Variants in WWOX observed in about 807,000 individuals in gnomAD.
The protein encoded by WWOX is WW domain containing oxidoreductase.
A neutral mutation model predicts 46.2 loss-of-function variants in WWOX; 69 were observed. The ratio of observed to expected loss-of-function variants is 1.49; its 90% CI spans 1.23 to 1.82. The LOEUF (loss-of-function observed/expected upper bound fraction) is 1.82. WWOX is among the 40% of genes most tolerant of loss of function. The pLI is 0.00. For synonymous variants in WWOX, 359 were observed against 202.6 expected (o/e 1.77, Z -6.56); for missense variants, 919 against 542.6 (o/e 1.69, Z -6.89).
chr16:78,923,825 A>C (rs1597156480), intron 8 of WWOX, among the ~76,000 whole-genome samples: 1 of 90,030 alleles, frequency 1.1e-5, no homozygotes. Context: ...TTTCAGACGG[A>C]GTCTTGCTCT....
chr16:78,359,009 G>T (rs1298388615), intron 5 of WWOX, among the ~76,000 whole-genome samples: 1 of 151,732 alleles, frequency 6.6e-6, no homozygotes, highest in East Asian at 1.9e-4. Context: ...CACAGATTCT[G>T]TTTTCCATTT....
intron 8 of WWOX, among the ~76,000 whole-genome samples, chr16:78,505,157 T>G (rs571461407): frequency 1.3e-5 from 2 of 152,296 alleles, no homozygotes; most frequent in Non-Finnish European, 2.9e-5. Flanking sequence ...AATCTAAAGA[T>G]CTTTTAAATA....
chr16:78,191,462 C>T (rs79931732), intron 5 of WWOX, among the ~76,000 whole-genome samples: 5,331 of 152,182 alleles, frequency 0.035, 168 homozygotes, highest in East Asian at 0.17. Context: ...AAAAATATGC[C>T]GCCACAATAT....
intron 4 of WWOX, among the ~76,000 whole-genome samples, chr16:78,144,473 A>ATATATATATACG (rs1567596414): frequency 1.1e-4 from 4 of 37,594 alleles, no homozygotes; most frequent in African/African-American, 5.5e-4. Flanking sequence ...ACACACATAT[A>ATATATATATACG]TATATATATA....
At chr16:79,174,641 T>G (rs191069131) in intron 8 of WWOX, among the ~76,000 whole-genome samples, 170 of 152,226 alleles carry the variant, frequency 1.1e-3, no homozygotes, top group African/African-American at 3.9e-3. Flanking sequence ...AGAGTGAAAC[T>G]CCATCTCAAA....
chr16:79,119,354 T>C (rs2049581408), intron 8 of WWOX, among the ~76,000 whole-genome samples: 1 of 152,180 alleles, frequency 6.6e-6, no homozygotes, highest in Non-Finnish European at 1.5e-5. Context: ...AGAGGTTTCG[T>C]TATATTAATG....
intron 8 of WWOX, among the ~76,000 whole-genome samples, chr16:78,895,000 C>G (rs2044670774): frequency 6.6e-6 from 1 of 152,138 alleles, no homozygotes; most frequent in Non-Finnish European, 1.5e-5. Context: ...GCTGGAGATC[C>G]CATCATGCCG....
At chr16:78,295,546 T>C (rs2079931189) in intron 5 of WWOX, among the ~76,000 whole-genome samples, 1 of 152,106 alleles carries the variant, frequency 6.6e-6, no homozygotes, top group African/African-American at 2.4e-5. Flanking sequence ...ACCCTGTCTC[T>C]ACTAAAATAC....
chr16:78,374,030 G>C (rs900093508), intron 5 of WWOX, among the ~76,000 whole-genome samples: 2 of 152,220 alleles, frequency 1.3e-5, no homozygotes, highest in African/African-American at 2.4e-5. Flanking sequence ...CAAGTGGTCT[G>C]CCCGCCTTGG....
At chr16:78,195,511 G>T (rs2036020150) in intron 5 of WWOX, among the ~76,000 whole-genome samples, 1 of 151,840 alleles carries the variant, frequency 6.6e-6, no homozygotes, top group Middle Eastern at 3.2e-3. Context: ...GATGCAGGCT[G>T]GACACATTAG....
intron 8 of WWOX, among the ~76,000 whole-genome samples, chr16:78,766,067 A>C (rs565050403): frequency 6.6e-6 from 1 of 152,328 alleles, no homozygotes; most frequent in East Asian, 1.9e-4. Flanking sequence ...GAGCAGTTCC[A>C]AAGGAGTGGG....
intron 8 of WWOX, among the ~76,000 whole-genome samples, chr16:78,609,646 T>C (rs377232968): frequency 4.6e-5 from 7 of 152,196 alleles, no homozygotes; most frequent in East Asian, 3.9e-4. Context: ...CCTGTCACTC[T>C]TAAAATGCAG....
At chr16:78,621,410 C>G (rs907270245) in intron 8 of WWOX, among the ~76,000 whole-genome samples, 3 of 151,840 alleles carry the variant, frequency 2.0e-5, no homozygotes, top group Non-Finnish European at 2.9e-5. Context: ...CACCTCTCCC[C>G]TGGTAACTGA....
intron 8 of WWOX, among the ~76,000 whole-genome samples, chr16:78,972,217 G>A (rs1275840035): frequency 4.6e-5 from 7 of 152,064 alleles, no homozygotes; most frequent in African/African-American, 1.4e-4. Context: ...TTGGAGGGGC[G>A]TTCAGACAAA....
At chr16:78,970,775 G>T (rs954729552) in intron 8 of WWOX, among the ~76,000 whole-genome samples, 1 of 152,078 alleles carries the variant, frequency 6.6e-6, no homozygotes, top group Non-Finnish European at 1.5e-5. Flanking sequence ...GTGATTCTTG[G>T]GGGGCAACTA....
chr16:78,119,914 C>G (rs1313101702), intron 4 of WWOX, among the ~76,000 whole-genome samples: 3 of 152,140 alleles, frequency 2.0e-5, no homozygotes, highest in Non-Finnish European at 2.9e-5. Context: ...GATGAAGTTT[C>G]TTTCACCTTG....
chr16:79,091,016 G>T (rs1008170374), intron 8 of WWOX, among the ~76,000 whole-genome samples: 1 of 152,052 alleles, frequency 6.6e-6, no homozygotes, highest in Non-Finnish European at 1.5e-5. Flanking sequence ...TCAACCTCCT[G>T]ACCTCAGGTG....
intron 8 of WWOX, among the ~76,000 whole-genome samples, chr16:79,055,304 A>G (rs1014058528): frequency 1.3e-5 from 2 of 152,212 alleles, no homozygotes; most frequent in Non-Finnish European, 2.9e-5. Context: ...AAAGATGAAT[A>G]TCAATTCTTT....
chr16:78,842,736 C>T (rs1303409805), intron 8 of WWOX, among the ~76,000 whole-genome samples: 1 of 152,072 alleles, frequency 6.6e-6, no homozygotes, highest in African/African-American at 2.4e-5. Context: ...CCTGTAGCCG[C>T]AGCTACTCAG....
Sources: gnomAD v4.1 joint callset for allele counts (sites outside exome capture counted in the v4.1 genomes callset) on GRCh38, gnomAD v4.1.1 for gene constraint, MANE v1.5 for transcripts, NCBI Gene and HGNC (gene_info 2026-07-23, HGNC 2026-07-21) for gene names.